Variants in STRBP observed in about 807,000 individuals in gnomAD.
STRBP encodes spermatid perinuclear RNA-binding protein.
In STRBP, 13 loss-of-function variants were observed where a neutral mutation model predicts 80.1. The observed-to-expected ratio is 0.16, with a 90% CI of 0.11 to 0.26. The LOEUF is 0.26. Ranked by LOEUF, STRBP falls within the 10% of genes least tolerant of loss-of-function variation. The pLI is 1.00. For synonymous variants in STRBP, 284 were observed against 291.2 expected (o/e 0.98, Z 0.25); for missense variants, 485 against 815.2 (o/e 0.59, Z 4.93).
chr9:123,200,342 A>G (rs942708346), intron 2 of STRBP, among the ~76,000 whole-genome samples: 2 of 152,096 alleles, frequency 1.3e-5, no homozygotes, highest in Non-Finnish European at 2.9e-5. Context: ...GGATTTTTGC[A>G]TCTATGTTCA....
chr9:123,154,203 T>A (rs1422465419), intron 11 of STRBP, among the ~76,000 whole-genome samples: 15 of 152,158 alleles, frequency 9.9e-5, no homozygotes, highest in Admixed American at 9.8e-4. Context: ...AACCTAAACG[T>A]CCTTCAAAAG....
intron 2 of STRBP, among the ~76,000 whole-genome samples, chr9:123,225,080 C>CA (rs1182049135): frequency 1.5e-4 from 23 of 152,304 alleles, no homozygotes; most frequent in African/African-American, 5.5e-4. Flanking sequence ...ACCATACACA[C>CA]ACAATTTTGA....
chr9:123,124,317 A>G lies in STRBP; in HGVS notation c.*1280T>C. 2.0e-6 allele frequency: 2 copies of G among 985,440 alleles called. No individual in the cohort carries two copies. The highest frequency in any genetic ancestry group is 2.4e-6 in the Non-Finnish European group (2 of 829,938). The allele number at this position is 985,440 out of a possible 1,614,324, so 61.0% of individuals were successfully genotyped here. On this transcript the variant is annotated 3_prime_UTR_variant, in exon 19 of 19. Transcript: ENST00000348403. ...CTGCTGCTCCTTCATGGGGGTGAGT[A>G]CCTTAATGAAACCATTGACCTAGTA...
chr9:123,111,567 G>A (rs767735136), intron 3 of STRBP: 3 of 476,294 alleles, frequency 6.3e-6, no homozygotes. Context: ...GCCTGAGCAA[G>A]GCTCTTGTCT....
At chr9:123,244,631 T>C (rs2040763051) in intron 1 of STRBP, among the ~76,000 whole-genome samples, 1 of 152,210 alleles carries the variant, frequency 6.6e-6, no homozygotes, top group African/African-American at 2.4e-5. Context: ...TCTACTAATC[T>C]TTCTCAAAAA....
Position 123,128,368 on chromosome 9 carries a change from A to G in STRBP, c.1898-110T>C, listed in dbSNP as rs1181117305. 6.5e-6 allele frequency: 8 copies of G among 1,224,730 alleles called. No individual in the cohort carries two copies. In the Admixed American group the frequency reaches 1.3e-4, roughly 20 times the overall value. The allele number at this position is 1,224,730 out of a possible 1,614,324, so 75.9% of individuals were successfully genotyped here. On this transcript the variant is annotated intron_variant, in intron 17 of 18. Transcript: ENST00000348403. ...ACCCTGGGCCCGGAGGACTTCTTCC[A>G]GATGTTGGATGAATGAGAACCACTG...
intron 1 of STRBP, among the ~76,000 whole-genome samples, chr9:123,241,179 CAAAA>C (rs11303230): frequency 9.7e-6 from 1 of 103,598 alleles, no homozygotes; most frequent in African/African-American, 2.9e-5. Flanking sequence ...AACTCCATCT[CAAAA>C]AAAAAAAAAA....
chr9:123,177,175 C>T (rs778726040), intron 4 of STRBP, among the ~76,000 whole-genome samples: 1 of 152,170 alleles, frequency 6.6e-6, no homozygotes, highest in Non-Finnish European at 1.5e-5. Context: ...CCTTGAGTTC[C>T]ACCACATGGG....
At chr9:123,245,983 G>A (rs972326113) in intron 1 of STRBP, among the ~76,000 whole-genome samples, 6 of 152,170 alleles carry the variant, frequency 3.9e-5, no homozygotes, top group Non-Finnish European at 7.3e-5. Context: ...GTTCCTACTC[G>A]GCAATGGAGT....
intron 2 of STRBP, among the ~76,000 whole-genome samples, chr9:123,191,292 C>CT (rs967143537): frequency 4.6e-5 from 7 of 152,154 alleles, no homozygotes; most frequent in Admixed American, 1.3e-4. Context: ...ATGCAGATGT[C>CT]TATGAATTGA....
intron 6 of STRBP, among the ~76,000 whole-genome samples, chr9:123,167,047 T>C (rs2037797143): frequency 6.6e-6 from 1 of 152,192 alleles, no homozygotes; most frequent in African/African-American, 2.4e-5. Context: ...GTTAGATCCA[T>C]TGCACAATCC....
intron 1 of STRBP, among the ~76,000 whole-genome samples, chr9:123,246,477 T>A (rs1024657263): frequency 6.6e-6 from 1 of 152,092 alleles, no homozygotes. Context: ...ACATTACTAA[T>A]GTAGTTTTTG....
intron 14 of STRBP, among the ~76,000 whole-genome samples, chr9:123,138,366 C>T (rs1332720547): frequency 1.3e-5 from 2 of 152,256 alleles, no homozygotes; most frequent in Non-Finnish European, 2.9e-5. Flanking sequence ...ATGACATCAT[C>T]TGTCCTCCAC....
intron 9 of STRBP, 45 bp from the exon 10 acceptor site, chr9:123,158,474 G>T (rs776575988): frequency 6.5e-7 from 1 of 1,549,678 alleles, no homozygotes; most frequent in East Asian, 2.3e-5. Context: ...ACTGAGTTTA[G>T]AATTCGGTAA....
chr9:123,181,640 T>C (rs1026043562), intron 3 of STRBP, among the ~76,000 whole-genome samples: 3 of 151,074 alleles, frequency 2.0e-5, no homozygotes, highest in Non-Finnish European at 4.4e-5. Flanking sequence ...CTACTAAAAA[T>C]ATAAATTTAG....
intron 6 of STRBP, among the ~76,000 whole-genome samples, chr9:123,165,623 C>A (rs930873387): frequency 2.0e-5 from 3 of 152,228 alleles, no homozygotes; most frequent in African/African-American, 7.2e-5. Flanking sequence ...TTTATCACCC[C>A]CTTCAATAGC....
chr9:123,235,293 G>T (rs1036121024), intron 2 of STRBP, among the ~76,000 whole-genome samples: 3 of 144,102 alleles, frequency 2.1e-5, no homozygotes, highest in African/African-American at 5.1e-5. Context: ...TTTAATTTAG[G>T]TTTTTTTTTT....
chr9:123,159,157 C>G lies in STRBP; in HGVS notation c.774G>C (p.Leu258Phe). 6.2e-7 allele frequency: 1 copy of G among 1,613,622 alleles called. No individual in the cohort carries two copies. Among genetic ancestry groups the G allele is most frequent in the Non-Finnish European group, 8.5e-7 (1 of 1,179,622 alleles). Residue 258 changes from leucine to phenylalanine, a missense_variant, in exon 9 of 19, where the codon TTG becomes TTC. Leu to Phe is a conservative substitution (Grantham distance 22). This residue lies in a region of STRBP where 377 missense variants were observed against 616.1 expected (regional missense o/e 0.61). Coordinates refer to ENST00000348403, the MANE Select transcript of STRBP (RefSeq NM_018387.5). ...EKSIGTCNRP[L>F]GAGEALRRVM... Reference sequence around the variant, plus strand: ...CTCGTCTCAAGGCCTCCCCAGCGCCCAAAGGTCTATTACAAGTACCTATAG... The same window carrying G: ...CTCGTCTCAAGGCCTCCCCAGCGCCGAAAGGTCTATTACAAGTACCTATAG...
chr9:123,245,004 C>G (rs2040770570), intron 1 of STRBP, among the ~76,000 whole-genome samples: 1 of 152,158 alleles, frequency 6.6e-6, no homozygotes, highest in South Asian at 2.1e-4. Flanking sequence ...CATGCAACAA[C>G]TTGGATGGAT....
Sources: allele counts gnomAD v4.1 joint callset (sites outside exome capture counted in the v4.1 genomes callset), GRCh38; gene constraint gnomAD v4.1.1; regional missense constraint gnomAD v4.1.1; transcripts MANE v1.5; gene names NCBI Gene and HGNC (gene_info 2026-07-23, HGNC 2026-07-21).